The following DNAL1 variants were observed in gnomAD, a reference collection of about 807,000 sequenced individuals.
The protein encoded by DNAL1 is chromosome 14 open reading frame 168.
A neutral mutation model predicts 29.4 loss-of-function variants in DNAL1; 17 were observed. The ratio of observed to expected loss-of-function variants is 0.58; its 90% CI spans 0.40 to 0.87. DNAL1 has a LOEUF of 0.87. Among genes scored for constraint, DNAL1 ranks in the 40% least tolerant of loss-of-function variants. The pLI, the probability that DNAL1 is intolerant of heterozygous loss-of-function variation, is 0.00. For synonymous variants in DNAL1, 78 were observed against 76.3 expected, an observed-to-expected ratio of 1.02 and a Z score of -0.12; for missense variants, 188 against 214.1, an observed-to-expected ratio of 0.88 and a Z score of 0.76.
chr14:73,691,939 G>GC (rs1291059362), intron 7 of DNAL1, among the ~76,000 whole-genome samples: 2 of 147,100 alleles, frequency 1.4e-5, no homozygotes, highest in African/African-American at 5.1e-5. Flanking sequence ...CTCGTGATCC[G>GC]CCCGCCTTGG....
At chr14:73,663,355 ACCG>A (rs1294087520) in intron 4 of DNAL1, among the ~76,000 whole-genome samples, 10 of 151,520 alleles carry the variant, frequency 6.6e-5, no homozygotes, top group African/African-American at 2.4e-4. Flanking sequence ...ACAGGTGCCC[ACCG>A]CCACGCCTGG....
At chr14:73,690,508 C>T (rs533172130) in intron 7 of DNAL1, among the ~76,000 whole-genome samples, 9 of 152,076 alleles carry the variant, frequency 5.9e-5, no homozygotes, top group South Asian at 2.1e-4. Context: ...CAAAATTAGC[C>T]GGATGTGGTG....
intron 1 of DNAL1, among the ~76,000 whole-genome samples, chr14:73,646,857 T>C (rs1405755693): frequency 6.6e-6 from 1 of 152,210 alleles, no homozygotes; most frequent in African/African-American, 2.4e-5. Flanking sequence ...AAACTTGTTA[T>C]GCAGCTCATG....
intron 1 of DNAL1, among the ~76,000 whole-genome samples, chr14:73,650,862 T>TGG (rs1349865239): frequency 6.6e-6 from 1 of 152,112 alleles, no homozygotes. Context: ...AGACTGGCCT[T>TGG]CAATTATGGG....
rs1184109419 is a variant in DNAL1 at position 73,703,371 on chromosome 14, CA to C, written c.*7430del. 2.0e-5 allele frequency: 3 copies of C among 152,212 alleles called. No individual in the cohort carries two copies. Among genetic ancestry groups the C allele is most frequent in the African/African-American group, 7.2e-5 (3 of 41,422 alleles). The allele number at this position is 152,212 out of a possible 1,614,324, so 9.4% of individuals were successfully genotyped here. On this transcript the variant is annotated 3_prime_UTR_variant, in exon 8 of 8. Coordinates refer to ENST00000553645, the MANE Select transcript of DNAL1 (RefSeq NM_031427.4). ...CCTCTGAGCCCAAGCTAAGCCATCGCATCCCCTGTGACTTGCACGTATACAT... is the reference window on the plus strand; with the variant it reads ...CCTCTGAGCCCAAGCTAAGCCATCGCTCCCCTGTGACTTGCACGTATACAT...
chr14:73,686,066 G>A (rs1282825713), intron 5 of DNAL1, among the ~76,000 whole-genome samples: 1 of 152,112 alleles, frequency 6.6e-6, no homozygotes. Flanking sequence ...CCTGCCAACC[G>A]TGTACAAGGT....
intron 2 of DNAL1, among the ~76,000 whole-genome samples, chr14:73,655,642 C>T (rs1162770164): frequency 1.3e-5 from 2 of 151,892 alleles, no homozygotes; most frequent in East Asian, 1.9e-4. Flanking sequence ...CCACCGCGCC[C>T]GGCCTACATT....
rs1442812053 is a variant in DNAL1 at position 73,702,004 on chromosome 14, A to G, written c.*6062A>G. 1 of 151,998 alleles carries G rather than the reference A, an allele frequency of 6.6e-6. No homozygotes were observed. 9.4% of individuals were successfully genotyped at this position (151,998 alleles called of 1,614,324 possible). On this transcript the variant is annotated 3_prime_UTR_variant, in exon 8 of 8. Coordinates refer to ENST00000553645, the MANE Select transcript of DNAL1 (RefSeq NM_031427.4). ...TATTAGTTTTAGCTAATATAGAGCA[A>G]TTATATAAACTTCTAGTGATATTCA...
rs1892459338 is a variant in DNAL1, at chr14:73,702,391, G to C, written c.*6449G>C. ...TTGACCTCGTGATCTGCCCGCCACA[G>C]CCTCCCAAAGAGCTAGGATTACAGG... On this transcript the variant is annotated 3_prime_UTR_variant, in exon 8 of 8. Transcript: ENST00000553645. 2 of 152,156 alleles carry C rather than the reference G, an allele frequency of 1.3e-5. No homozygotes were observed. Among genetic ancestry groups the C allele is most frequent in the African/African-American group, 4.8e-5 (2 of 41,426 alleles). 9.4% of individuals were successfully genotyped at this position (152,156 alleles called of 1,614,324 possible).
rs1892483174 is a variant in DNAL1, at chr14:73,703,404, G to A, written c.*7462G>A. The stretch of plus-strand genomic sequence containing the variant: ...GTGACTTGCACGTATACATCCAGAT[G>A]GCCTGAAGTAACTGAAGATCCACAA... On this transcript the variant is annotated 3_prime_UTR_variant, in exon 8 of 8. Transcript: ENST00000553645. 1 of 152,162 alleles carries A rather than the reference G, an allele frequency of 6.6e-6. No homozygotes were observed. Among genetic ancestry groups the A allele is most frequent in the Admixed American group, 6.5e-5 (1 of 15,284 alleles). 9.4% of individuals were successfully genotyped at this position (152,162 alleles called of 1,614,324 possible). A position where few individuals can be genotyped will look rare whatever the true frequency, so the allele number is the denominator to read the frequency against.
chr14:73,663,586 A>G (rs1005498247), intron 4 of DNAL1, among the ~76,000 whole-genome samples: 17 of 152,102 alleles, frequency 1.1e-4, no homozygotes, highest in African/African-American at 4.1e-4. Context: ...TTCACAACCT[A>G]TTAATTTAGG....
rs566635730 is a variant in DNAL1, at chr14:73,653,064, G to A, written c.4-1783G>A. 12 of 152,288 alleles carry A rather than the reference G, an allele frequency of 7.9e-5. No individual in the cohort carries two copies. In the South Asian group the frequency reaches 1.0e-3, roughly 13 times the overall value. The allele number at this position is 152,288 out of a possible 1,614,324, so 9.4% of individuals were successfully genotyped here. On this transcript the variant is annotated intron_variant, in intron 1 of 7. Coordinates refer to ENST00000553645, the MANE Select transcript of DNAL1 (RefSeq NM_031427.4). ...AGGAAGGTGTGTTCCAGAGAACAAA[G>A]GGAGGGCTTGAGTTTTATAGCAAAA...
intron 7 of DNAL1, among the ~76,000 whole-genome samples, chr14:73,692,429 C>T (rs1482641742): frequency 6.6e-6 from 1 of 151,996 alleles, no homozygotes; most frequent in East Asian, 1.9e-4. Flanking sequence ...TTGCAGTGAG[C>T]TGAGATTGTG....
chr14:73,669,500 C>T (rs1179674909), intron 4 of DNAL1, among the ~76,000 whole-genome samples: 1 of 152,212 alleles, frequency 6.6e-6, no homozygotes, highest in Non-Finnish European at 1.5e-5. Flanking sequence ...TGGTCTCGAT[C>T]TTCTGACCTC....
At chr14:73,685,541 C>G (rs1395564518) in intron 5 of DNAL1, among the ~76,000 whole-genome samples, 1 of 150,704 alleles carries the variant, frequency 6.6e-6, no homozygotes, top group Non-Finnish European at 1.5e-5. Context: ...CTCGTTCCAA[C>G]CTCTACCTCC....
intron 2 of DNAL1, among the ~76,000 whole-genome samples, chr14:73,657,720 C>T (rs12432044): frequency 0.19 from 29,254 of 152,044 alleles, 3,734 homozygotes; most frequent in Non-Finnish European, 0.29. Context: ...CAGCCTCCCA[C>T]GTAGCTGGGA....
Position 73,645,614 on chromosome 14 carries a change from T to C in DNAL1, c.3+572T>C, listed in dbSNP as rs531857633. On this transcript the variant is annotated intron_variant, in intron 1 of 7. Coordinates refer to ENST00000553645, the MANE Select transcript of DNAL1 (RefSeq NM_031427.4). ...AGGTATGGGCTTGTTGGAATGCAGATTGTGAATTTTTAATATGATTGGGGG... is the reference window on the plus strand; with the variant it reads ...AGGTATGGGCTTGTTGGAATGCAGACTGTGAATTTTTAATATGATTGGGGG... 7.8e-4 allele frequency among the ~76,000 whole-genome samples: 119 copies of C among 152,262 alleles called. 1 individual carries two copies. The highest frequency in any genetic ancestry group is 2.8e-3 in the African/African-American group (117 of 41,544).
chr14:73,659,078 T>A, intron 3 of DNAL1, 122 bp downstream of exon 3: 1 of 668,842 alleles, frequency 1.5e-6, no homozygotes. Context: ...TTGCTTAGTG[T>A]AATTCTCTCT....
Position 73,671,560 on chromosome 14 carries a change from C to A in DNAL1, c.227C>A (p.Ser76Tyr). Reference sequence around the variant, plus strand: ...ACTACAGAAAACTTGAGGATATTATCTTTAGGAAGAAACAACATAAAGAAC... The same window carrying A: ...ACTACAGAAAACTTGAGGATATTATATTTAGGAAGAAACAACATAAAGAAC... ...LNGLKNLRIL[S>Y]LGRNNIKNLN... The change falls in exon 5 of 8, where the codon TCT becomes TAT. Residue 76 changes from serine (S) to tyrosine (Y), a missense_variant. Coordinates refer to ENST00000553645, the MANE Select transcript of DNAL1 (RefSeq NM_031427.4). 6.7e-7 allele frequency: 1 copy of A among 1,491,022 alleles called. No individual in the cohort carries two copies. The highest frequency in any genetic ancestry group is 1.4e-5 in the South Asian group (1 of 70,246). The allele number at this position is 1,491,022 out of a possible 1,614,324, so 92.4% of individuals were successfully genotyped here.
Sources: allele counts gnomAD v4.1 joint callset (sites outside exome capture counted in the v4.1 genomes callset), GRCh38; gene constraint gnomAD v4.1.1; transcripts MANE v1.5; gene names NCBI Gene and HGNC (gene_info 2026-07-23, HGNC 2026-07-21).